DLG1: variants seen among roughly 807,000 people sequenced by gnomAD.
The protein encoded by DLG1 is disks large homolog 1.
DLG1 carries 42 observed loss-of-function variants against 123.4 expected under a neutral mutation model. The ratio of observed to expected loss-of-function variants is 0.34; its 90% CI spans 0.27 to 0.44. The LOEUF is 0.44. DLG1 is among the 20% of genes least tolerant of loss of function. The probability of loss-of-function intolerance (pLI) is 1.00; values close to 1 mark genes in which losing one functional copy is unlikely to be tolerated. For missense variants in DLG1, 942 were observed against 1,082.6 expected, an observed-to-expected ratio of 0.87 and a Z score of 1.82; for synonymous variants, 317 against 356.2, an observed-to-expected ratio of 0.89 and a Z score of 1.24.
chr3:197,183,799 T>C lies in DLG1; in HGVS notation c.483+10626A>G, dbSNP rs540220459. ...TATAGAAGTGTGTTGTTTCCGAAAA[T>C]GTAATTCATCTCTGCAGCCCTGCAG... is the stretch of plus-strand genomic sequence containing the variant. On this transcript the variant is annotated intron_variant, in intron 5 of 24. Coordinates refer to ENST00000667157, the MANE Select transcript of DLG1 (RefSeq NM_001366207.1). The C allele has an allele frequency of 7.7e-6, 12 of 1,549,978 alleles. No individual in the cohort carries two copies. In the Admixed American group the frequency reaches 1.8e-4, roughly 23 times the overall value.
chr3:197,273,210 GTA>G (rs1491021876), intron 4 of DLG1, among the ~76,000 whole-genome samples: 167 of 150,742 alleles, frequency 1.1e-3, no homozygotes, highest in Middle Eastern at 3.4e-3. Flanking sequence ...GTGTGTGTGT[GTA>G]TGTGTGTGTA....
At chr3:197,097,580 C>CTTTTTTT (rs3051908) in intron 14 of DLG1, among the ~76,000 whole-genome samples, 19 of 122,822 alleles carry the variant, frequency 1.5e-4, no homozygotes, top group East Asian at 7.2e-4. Context: ...TTTGTACTTT[C>CTTTTTTT]TTTTTTTTTT....
intron 5 of DLG1, among the ~76,000 whole-genome samples, chr3:197,164,987 A>C (rs1411644625): frequency 6.6e-6 from 1 of 152,142 alleles, no homozygotes; most frequent in Non-Finnish European, 1.5e-5. Flanking sequence ...TAAAATTATC[A>C]GTACGAACAG....
At chr3:197,140,967 G>T (rs568750752) in intron 7 of DLG1, among the ~76,000 whole-genome samples, 4 of 152,272 alleles carry the variant, frequency 2.6e-5, no homozygotes, top group African/African-American at 9.6e-5. Flanking sequence ...GGAGAAACAA[G>T]ATTTCTGAAT....
At chr3:197,267,652 T>TA (rs34525746) in intron 4 of DLG1, among the ~76,000 whole-genome samples, 20,511 of 151,956 alleles carry the variant, frequency 0.13, 1,749 homozygotes, top group South Asian at 0.34. Context: ...TTATTTACCT[T>TA]AAAAAAAATT....
At chr3:197,158,634 C>CAAAAAAAAAAAAAAAAAAAAAA (rs71623339) in intron 5 of DLG1, among the ~76,000 whole-genome samples, 24 of 67,490 alleles carry the variant, frequency 3.6e-4, no homozygotes, top group African/African-American at 8.8e-4. Flanking sequence ...AACTCCATTT[C>CAAAAAAAAAAAAAAAAAAAAAA]AAAAAAAAAA....
At chr3:197,287,041 T>A (rs190539578) in intron 3 of DLG1, among the ~76,000 whole-genome samples, 1,802 of 148,098 alleles carry the variant, frequency 0.012, 22 homozygotes, top group African/African-American at 0.029. Context: ...CCTGGTTAAA[T>A]TTTTTTTTTT....
intron 5 of DLG1, among the ~76,000 whole-genome samples, chr3:197,163,057 G>A (rs755121743): frequency 3.9e-5 from 6 of 152,200 alleles, no homozygotes; most frequent in Non-Finnish European, 8.8e-5. Context: ...AATAATTTCT[G>A]CAAAGAAGGT....
At position 197,059,971 on chromosome 3, in the gene DLG1, C is replaced by T. The variant is rs1734625167; in HGVS notation, c.2401G>A (p.Gly801Arg). 6.2e-7 allele frequency: 1 copy of T among 1,613,382 alleles called. No homozygotes were observed. Among genetic ancestry groups the T allele is most frequent in the Admixed American group, 1.7e-5 (1 of 59,986 alleles). The change falls in exon 23 of 25, where the codon GGA becomes AGA. Residue 801 changes from glycine (G) to arginine (R), a missense_variant. Transcript: ENST00000667157. ...ATCTGTAATCTCTTTATGGCATTTC[C>T]AGACACATCAAGGATACAGTGTTTG... ...KGKHCILDVSGNAIKRLQIAQ... is the reference protein window; with the variant it reads ...KGKHCILDVSRNAIKRLQIAQ...
intron 4 of DLG1, among the ~76,000 whole-genome samples, chr3:197,196,706 C>T (rs1170864756): frequency 6.6e-6 from 1 of 152,116 alleles, no homozygotes; most frequent in African/African-American, 2.4e-5. Flanking sequence ...AAATTCTACA[C>T]AGAAGTTAAA....
rs569915244 is a variant in DLG1 at position 197,165,341 on chromosome 3, T to C, written c.484-15545A>G. The stretch of plus-strand genomic sequence containing the variant: ...CCTGTTACCTGGATTTATTATTTCC[T>C]GTAGAAAGAGATTTTTAAAGCATTG... On this transcript the variant is annotated intron_variant, in intron 5 of 24. Coordinates refer to ENST00000667157, the MANE Select transcript of DLG1 (RefSeq NM_001366207.1). Among the ~76,000 whole-genome samples, 14 of 152,344 alleles carry C rather than the reference T, an allele frequency of 9.2e-5. 1 individual carries two copies. In the East Asian group the frequency reaches 2.3e-3, roughly 25 times the overall value.
At chr3:197,105,842 A>C (rs1312127983) in intron 13 of DLG1, among the ~76,000 whole-genome samples, 1 of 152,200 alleles carries the variant, frequency 6.6e-6, no homozygotes, top group East Asian at 1.9e-4. Flanking sequence ...AAAAATTAAG[A>C]AGCAACAATG....
At chr3:197,178,809 C>T (rs1350089784) in intron 5 of DLG1, among the ~76,000 whole-genome samples, 1 of 151,764 alleles carries the variant, frequency 6.6e-6, no homozygotes, top group Non-Finnish European at 1.5e-5. Flanking sequence ...ACACTGAGAA[C>T]TGGCCACTGG....
At position 197,194,440 on chromosome 3, in the gene DLG1, A is replaced by G. The variant is rs1417649941; in HGVS notation, c.468T>C (p.His156=). 1.3e-6 allele frequency: 2 copies of G among 1,589,760 alleles called. No individual in the cohort carries two copies. The highest frequency in any genetic ancestry group is 2.3e-5 in the East Asian group (1 of 44,258). Reference sequence around the variant, plus strand: ...ACTATCCTACCTTTATTGGTGAAATATGAGAATGAGAAACAAATCCATGGA... The same window carrying G: ...ACTATCCTACCTTTATTGGTGAAATGTGAGAATGAGAAACAAATCCATGGA... ...ENVHGFVSHS[H]ISPIKANPPP... The change falls in exon 5 of 25, where the codon CAT becomes CAC. Residue 156 remains histidine, a synonymous_variant. Transcript: ENST00000667157.
At chr3:197,142,883 A>G in intron 6 of DLG1, 115 bp from the exon 7 acceptor site, 4 of 713,394 alleles carry the variant, frequency 5.6e-6, no homozygotes, top group Non-Finnish European at 4.9e-6. Context: ...CAGTAATCAA[A>G]CACAATAGCT....
chr3:197,101,924 T>C (rs1257148799), intron 14 of DLG1, among the ~76,000 whole-genome samples: 1 of 152,012 alleles, frequency 6.6e-6, no homozygotes. Context: ...TAAAAAACTT[T>C]AAAAAAAGTT....
At chr3:197,259,548 T>C (rs549897497) in intron 4 of DLG1, among the ~76,000 whole-genome samples, 3 of 152,272 alleles carry the variant, frequency 2.0e-5, no homozygotes, top group African/African-American at 7.2e-5. Context: ...CGTAAGTGCA[T>C]AGAAATAAAA....
At chr3:197,182,287 T>TG (rs986240999) in intron 5 of DLG1, among the ~76,000 whole-genome samples, 4 of 152,204 alleles carry the variant, frequency 2.6e-5, no homozygotes, top group Non-Finnish European at 5.9e-5. Flanking sequence ...GTAAAATTCT[T>TG]GGGGCAGTAT....
chr3:197,134,793 T>C (rs183984348), intron 10 of DLG1, among the ~76,000 whole-genome samples: 183 of 152,374 alleles, frequency 1.2e-3, no homozygotes, highest in African/African-American at 4.2e-3. Flanking sequence ...TTTTTGGGCT[T>C]GGGTGAAGTG....
Sources: gnomAD v4.1 joint callset for allele counts (sites outside exome capture counted in the v4.1 genomes callset) on GRCh38, gnomAD v4.1.1 for gene constraint, MANE v1.5 for transcripts, NCBI Gene and HGNC (gene_info 2026-07-23, HGNC 2026-07-21) for gene names.